CLCA1: variants seen among roughly 807,000 people sequenced by gnomAD.
The protein encoded by CLCA1 is calcium-activated chloride channel regulator 1.
Under a neutral mutation model 85.6 loss-of-function variants are expected in CLCA1, and 59 were observed. The observed-to-expected ratio is 0.69, with a 90% confidence interval of 0.56 to 0.86. CLCA1 has a LOEUF of 0.86. CLCA1 is among the 40% of genes least tolerant of loss of function. The pLI, the probability that CLCA1 is intolerant of heterozygous loss-of-function variation, is 0.00. For synonymous variants in CLCA1, 396 were observed against 398.3 expected, an observed-to-expected ratio of 0.99 and a Z score of 0.07; for missense variants, 1,022 against 1,101.4, an observed-to-expected ratio of 0.93 and a Z score of 1.02.
rs983107027 is a variant in CLCA1, at chr1:86,482,378, A to G, written c.731A>G (p.Asp244Gly). ...TCTATAATGTTTGCACAACATGTTG[A>G]TTCTGTAAGTACCTTGTTCTCACCC... Reference protein sequence around the residue: ...KASIMFAQHVDSIVEFCTEQN... With the variant: ...KASIMFAQHVGSIVEFCTEQN... The change falls in exon 5 of 14, where the codon GAT becomes GGT. Residue 244 changes from aspartate (D) to glycine (G), a missense_variant. Coordinates refer to ENST00000394711, the MANE Select transcript of CLCA1 (RefSeq NM_001285.4). 21 of 1,613,172 alleles carry G rather than the reference A, an allele frequency of 1.3e-5. No homozygotes were observed. The African/African-American group carries it at 1.9e-4, about 14-fold the overall frequency.
At chr1:86,486,382 T>G in intron 6 of CLCA1, 144 bp from the exon 7 acceptor site, 3 of 660,436 alleles carry the variant, frequency 4.5e-6, no homozygotes, top group Non-Finnish European at 7.7e-6. Context: ...AAATAAGAAA[T>G]TTTTCCCCAT....
chr1:86,485,286 T>C, intron 5 of CLCA1, 57 bp from the exon 6 acceptor site: 1 of 1,366,242 alleles, frequency 7.3e-7, no homozygotes, highest in Non-Finnish European at 1.0e-6. Context: ...TAACAAATTA[T>C]TAAATATTCT....
In CLCA1 at chr1:86,493,546, G is replaced by T. The variant is rs1324894179; in HGVS notation, c.1627G>T (p.Val543Leu). The change falls in exon 10 of 14, where the codon GTA becomes TTA. Residue 543 changes from valine to leucine, a missense_variant. Physicochemically the swap from Val to Leu is conservative, Grantham distance 32. Transcript: ENST00000394711. ...CAGTGGACAGAAGCAAGGTGGCTTT[G>T]TAGTGGACAAAAACACCAAAATGGC... ...DPSGQKQGGF[V>L]VDKNTKMAYL... 1.9e-6 allele frequency: 3 copies of T among 1,614,060 alleles called. No homozygotes were observed. Among genetic ancestry groups the T allele is most frequent in the Non-Finnish European group, 2.5e-6 (3 of 1,180,028 alleles).
chr1:86,489,064 T>A lies in CLCA1; in HGVS notation c.1251T>A (p.Thr417=). ...TGCTGACGGATGGGGAAGACAACAC[T>A]ATAAGTGGGTGCTTTAACGAGGTCA... is the stretch of plus-strand genomic sequence containing the variant. ...IVLLTDGEDN[T]ISGCFNEVKQ... is the part of the protein sequence containing the mutation. The change falls in exon 8 of 14, where the codon ACT becomes ACA. Residue 417 remains threonine, a synonymous_variant. Transcript: ENST00000394711. 6.2e-7 allele frequency: 1 copy of A among 1,614,064 alleles called. No individual in the cohort carries two copies. The highest frequency in any genetic ancestry group is 8.5e-7 in the Non-Finnish European group (1 of 1,179,984).
At chr1:86,470,601 G>A (rs558256489) in intron 1 of CLCA1, among the ~76,000 whole-genome samples, 3 of 152,200 alleles carry the variant, frequency 2.0e-5, no homozygotes, top group Non-Finnish European at 2.9e-5. Context: ...CCCGAGATAC[G>A]TACTTCTCGC....
At chr1:86,484,692 A>G (rs1198725027) in intron 5 of CLCA1, among the ~76,000 whole-genome samples, 1 of 152,158 alleles carries the variant, frequency 6.6e-6, no homozygotes, top group Non-Finnish European at 1.5e-5. Flanking sequence ...GGAGATGGAG[A>G]AAAGATGAAG....
In CLCA1 at chr1:86,482,189, C is replaced by T. The variant is rs1647838494; in HGVS notation, c.558-16C>T. ...TGACGACATCACCTAAACATCTAAC[C>T]TTCCTATATTTTCAGATGTTCAGCA... On this transcript the variant is annotated splice_polypyrimidine_tract_variant and intron_variant, in intron 4 of 13. Coordinates refer to ENST00000394711, the MANE Select transcript of CLCA1 (RefSeq NM_001285.4). The T allele has an allele frequency of 1.2e-6, 2 of 1,602,512 alleles. No individual in the cohort carries two copies. The highest frequency in any genetic ancestry group is 1.7e-6 in the Non-Finnish European group (2 of 1,170,344).
At chr1:86,477,934 T>C (rs1026869021) in intron 4 of CLCA1, among the ~76,000 whole-genome samples, 4 of 152,244 alleles carry the variant, frequency 2.6e-5, no homozygotes, top group Non-Finnish European at 5.9e-5. Context: ...TTTAAGGAGA[T>C]GCACTCGGCT....
intron 12 of CLCA1, among the ~76,000 whole-genome samples, chr1:86,496,065 A>G (rs912734602): frequency 6.6e-6 from 1 of 152,104 alleles, no homozygotes; most frequent in Non-Finnish European, 1.5e-5. Flanking sequence ...ATCTTTTTGT[A>G]CTTCACTCTC....
At chr1:86,469,261 A>C (rs1457464370) in intron 1 of CLCA1, 128 bp downstream of exon 1, 2 of 614,012 alleles carry the variant, frequency 3.3e-6, no homozygotes, top group Non-Finnish European at 5.4e-6. Flanking sequence ...CAGTTTCTTC[A>C]TCTGTAAAAT....
At position 86,499,761 on chromosome 1, in the gene CLCA1, T is replaced by A. The variant is rs770096248; in HGVS notation, c.2461T>A (p.Ser821Thr). Reference sequence around the variant, plus strand: ...TGCTCTCATCCCAAAGGAAGCCAACTCTGAGGAAGTCTTTTTGTTTAAACC... The same window carrying A: ...TGCTCTCATCCCAAAGGAAGCCAACACTGAGGAAGTCTTTTTGTTTAAACC... ...TTALIPKEAN[S>T]EEVFLFKPEN... The change falls in exon 14 of 14, where the codon TCT becomes ACT. Residue 821 changes from serine (S) to threonine (T), a missense_variant. Ser to Thr is a moderately conservative substitution (Grantham distance 58, BLOSUM62 1). Transcript: ENST00000394711. 6.8e-6 allele frequency: 11 copies of A among 1,613,682 alleles called. No homozygotes were observed. In the Admixed American group the frequency reaches 1.8e-4, roughly 27 times the overall value.
rs1648070503 is a variant in CLCA1 at position 86,489,142 on chromosome 1, A to G, written c.1329A>G (p.Gln443=). 1.2e-6 allele frequency: 2 copies of G among 1,613,972 alleles called. No individual in the cohort carries two copies. Among genetic ancestry groups the G allele is most frequent in the African/African-American group, 2.7e-5 (2 of 74,920 alleles). Residue 443 remains glutamine (Q), a synonymous_variant, in exon 8 of 14, where the codon CAA becomes CAG. Transcript: ENST00000394711. ...HTVALGPSAA[Q]ELEELSKMTG... is the part of the protein sequence containing the mutation. The stretch of plus-strand genomic sequence containing the variant: ...TCGCTTTGGGGCCCTCTGCAGCTCA[A>G]GAACTAGAGGAGCTGTCCAAAATGA...
In CLCA1 at chr1:86,497,745, T is replaced by C. The variant is rs1352467573; in HGVS notation, c.2114-827T>C. 2.0e-5 allele frequency among the ~76,000 whole-genome samples: 3 copies of C among 152,322 alleles called. No individual in the cohort carries two copies. In the East Asian group the frequency reaches 5.8e-4, roughly 29 times the overall value. ...ATATGCATAAACAATCAAGGCATTC[T>C]TGAAGGTCCAGTTGATTAGTTGCCA... On this transcript the variant is annotated intron_variant, in intron 12 of 13. Coordinates refer to ENST00000394711, the MANE Select transcript of CLCA1 (RefSeq NM_001285.4).
At chr1:86,473,339 T>A in intron 1 of CLCA1, 78 bp from the exon 2 acceptor site, 1 of 1,073,132 alleles carries the variant, frequency 9.3e-7, no homozygotes, top group Non-Finnish European at 1.3e-6. Flanking sequence ...AAATGTGAAA[T>A]CCAGATGTGA....
intron 4 of CLCA1, among the ~76,000 whole-genome samples, chr1:86,479,873 A>G (rs182977109): frequency 1.3e-5 from 2 of 152,314 alleles, no homozygotes; most frequent in Admixed American, 1.3e-4. Flanking sequence ...CAACAGAGTG[A>G]GACTCCATCT....
intron 1 of CLCA1, among the ~76,000 whole-genome samples, chr1:86,471,382 T>C (rs1476434191): frequency 3.9e-5 from 6 of 152,330 alleles, no homozygotes; most frequent in African/African-American, 1.4e-4. Context: ...TTCTAGCCCA[T>C]TCTATAAACT....
intron 7 of CLCA1, among the ~76,000 whole-genome samples, chr1:86,487,367 C>T (rs1421002715): frequency 6.6e-6 from 1 of 151,306 alleles, no homozygotes; most frequent in Non-Finnish European, 1.5e-5. Context: ...TGCCAGATGG[C>T]GTGGTGGTGA....
chr1:86,488,427 GAAC>G (rs1304049396), intron 7 of CLCA1, among the ~76,000 whole-genome samples: 2 of 152,284 alleles, frequency 1.3e-5, no homozygotes, highest in East Asian at 3.9e-4. Flanking sequence ...AGGTGTCACA[GAAC>G]AACTAGGAAC....
chr1:86,476,279 T>C (rs1398744749), intron 3 of CLCA1, among the ~76,000 whole-genome samples, 169 bp from the exon 4 acceptor site: 1 of 152,192 alleles, frequency 6.6e-6, no homozygotes, highest in Admixed American at 6.5e-5. Flanking sequence ...AAATAAGTAT[T>C]TATATTTTAA....
Sources: allele counts gnomAD v4.1 joint callset (sites outside exome capture counted in the v4.1 genomes callset), GRCh38; gene constraint gnomAD v4.1.1; transcripts MANE v1.5; gene names NCBI Gene and HGNC (gene_info 2026-07-23, HGNC 2026-07-21).